The following ZFP69B variants were observed in gnomAD, a reference collection of about 807,000 sequenced individuals.
The protein encoded by ZFP69B is zinc finger protein 69 homolog B.
In ZFP69B, 20 loss-of-function variants were observed where a neutral mutation model predicts 19.7. The ratio of observed to expected loss-of-function variants is 1.02; its 90% CI spans 0.71 to 1.48. The LOEUF (loss-of-function observed/expected upper bound fraction) is 1.48, where lower values mean the gene tolerates loss of function less well. Among genes scored for constraint, ZFP69B ranks in the 40% most tolerant of loss-of-function variants. ZFP69B has a pLI of 0.00. For synonymous variants in ZFP69B, 220 were observed against 222.7 expected (o/e 0.99, Z 0.11); for missense variants, 583 against 632.6 (o/e 0.92, Z 0.84).
At position 40,454,245 on chromosome 1, in the gene ZFP69B, T is replaced by G; in HGVS notation, c.170T>G (p.Leu57Ter). The G allele has an allele frequency of 6.2e-7, 1 of 1,605,064 alleles. No homozygotes were observed. Among genetic ancestry groups the G allele is most frequent in the African/African-American group, 1.3e-5 (1 of 74,878 alleles). ...QDADETQGES[L>*]ESRVTLGSLT... Reference sequence around the variant, plus strand: ...GCTGATGAGACCCAGGGCGAAAGTTTAGAGAGTAGAGTGACCCTTGGATCC... The same window carrying G: ...GCTGATGAGACCCAGGGCGAAAGTTGAGAGAGTAGAGTGACCCTTGGATCC... The change falls in exon 2 of 5, where the codon TTA (leucine) becomes TGA (stop). Residue 57 changes from leucine to a stop codon, truncating the protein, a stop_gained. Coordinates refer to ENST00000361584, the MANE Select transcript of ZFP69B (RefSeq NM_023070.3). LOFTEE classifies it high-confidence loss of function.
chr1:40,458,124 C>T (rs1469612521), intron 4 of ZFP69B, among the ~76,000 whole-genome samples: 1 of 152,170 alleles, frequency 6.6e-6, no homozygotes, highest in Admixed American at 6.5e-5. Flanking sequence ...GAAAAGGAGG[C>T]TGATTAAGAA....
rs76823303 is a variant in ZFP69B, at chr1:40,460,291, C to A, written c.437-2130C>A. On this transcript the variant is annotated intron_variant, in intron 4 of 4. Coordinates refer to ENST00000361584, the MANE Select transcript of ZFP69B (RefSeq NM_023070.3). ...CAAGTGAAATATTTTTCAGTAGGGACAAGTCAAATTATGTTATGTCCATGC... is the reference window on the plus strand; with the variant it reads ...CAAGTGAAATATTTTTCAGTAGGGAAAAGTCAAATTATGTTATGTCCATGC... Among the ~76,000 whole-genome samples, 278 of 152,166 alleles carry A rather than the reference C, an allele frequency of 1.8e-3. 4 individuals carry two copies. The East Asian group carries it at 0.031, about 17-fold the overall frequency.
chr1:40,459,362 T>G (rs1452670376), intron 4 of ZFP69B, among the ~76,000 whole-genome samples: 2 of 152,210 alleles, frequency 1.3e-5, no homozygotes, highest in Non-Finnish European at 2.9e-5. Flanking sequence ...AGCTCTGTAC[T>G]TCAAACCCAG....
chr1:40,459,996 A>G (rs1283008590), intron 4 of ZFP69B, among the ~76,000 whole-genome samples: 3 of 152,202 alleles, frequency 2.0e-5, no homozygotes, highest in African/African-American at 7.2e-5. Flanking sequence ...CATAAAATAT[A>G]TATTCTGTAT....
chr1:40,457,742 T>C (rs1006682665), intron 4 of ZFP69B, among the ~76,000 whole-genome samples: 1 of 152,214 alleles, frequency 6.6e-6, no homozygotes, highest in Non-Finnish European at 1.5e-5. Context: ...TTCTTTCCCA[T>C]GTACATTTAG....
At chr1:40,456,836 TTAGC>T in intron 2 of ZFP69B, 105 bp from the exon 3 acceptor site, 1 of 1,393,834 alleles carries the variant, frequency 7.2e-7, no homozygotes, top group Non-Finnish European at 9.8e-7. Flanking sequence ...AATTAAATGA[TTAGC>T]AAGACAGTAT....
rs1645308324 is a variant in ZFP69B at position 40,463,193 on chromosome 1, T to G, written c.1209T>G (p.Ile403Met). 1 of 1,614,020 alleles carries G rather than the reference T, an allele frequency of 6.2e-7. No homozygotes were observed. Residue 403 changes from isoleucine to methionine, a missense_variant, in exon 5 of 5, where the codon ATT (isoleucine) becomes ATG (methionine). Physicochemically the swap from Ile to Met is conservative, Grantham distance 10 (BLOSUM62 1). Transcript: ENST00000361584. ...ACTGTGGAAAAGCGTTTTTCCAGAT[T>G]AGACACCTTAGGCAACATGAGATTA... ...CKDCGKAFFQ[I>M]RHLRQHEIIH...
intron 2 of ZFP69B, 78 bp downstream of exon 2, chr1:40,454,366 T>A: frequency 9.5e-7 from 1 of 1,054,668 alleles, no homozygotes. Flanking sequence ...TTTCTTTGAC[T>A]CAACTTCCTG....
rs756822676 is a variant in ZFP69B at position 40,457,317 on chromosome 1, A to G, written c.341-27A>G. ...TGGGATGGCTCTGTGACCTCAGCATATACAGTCTTTTCTTCCCCATAAGCA... is the reference window on the plus strand; with the variant it reads ...TGGGATGGCTCTGTGACCTCAGCATGTACAGTCTTTTCTTCCCCATAAGCA... On this transcript the variant is annotated intron_variant, in intron 3 of 4. Transcript: ENST00000361584. 5 of 1,610,258 alleles carry G rather than the reference A, an allele frequency of 3.1e-6. No individual in the cohort carries two copies. In the East Asian group the frequency reaches 1.1e-4, roughly 36 times the overall value.
At chr1:40,458,631 C>G (rs1282415846) in intron 4 of ZFP69B, among the ~76,000 whole-genome samples, 4 of 151,964 alleles carry the variant, frequency 2.6e-5, no homozygotes, top group Admixed American at 2.6e-4. Flanking sequence ...ATTCTCCTAC[C>G]TCAGCCTCCC....
intron 4 of ZFP69B, among the ~76,000 whole-genome samples, chr1:40,460,753 C>T (rs188445237): frequency 5.9e-5 from 9 of 152,040 alleles, no homozygotes; most frequent in African/African-American, 1.4e-4. Context: ...GAGGCCGAGG[C>T]GGGCGGATCA....
At chr1:40,454,093 C>G in intron 1 of ZFP69B, 110 bp from the exon 2 acceptor site, 1 of 677,696 alleles carries the variant, frequency 1.5e-6, no homozygotes. Flanking sequence ...CTAAATGTCC[C>G]TGTTTGTGAA....
intron 4 of ZFP69B, among the ~76,000 whole-genome samples, chr1:40,460,119 G>T (rs779340251): frequency 2.0e-5 from 3 of 152,118 alleles, no homozygotes; most frequent in African/African-American, 7.2e-5. Context: ...AGTATGCAGG[G>T]AAAGGCACCC....
At chr1:40,459,346 C>T (rs1037547754) in intron 4 of ZFP69B, among the ~76,000 whole-genome samples, 2 of 152,194 alleles carry the variant, frequency 1.3e-5, no homozygotes, top group Non-Finnish European at 2.9e-5. Context: ...GACATCTCCA[C>T]ATAGAAGCTC....
In ZFP69B at chr1:40,463,653, C is replaced by T; in HGVS notation, c.*64C>T. On this transcript the variant is annotated 3_prime_UTR_variant, in exon 5 of 5. Transcript: ENST00000361584. ...GATTCTAAATCAGTGGTTCCCTGATCCCTCAAAAATCCATTTGTTTTTGGA... is the reference window on the plus strand; with the variant it reads ...GATTCTAAATCAGTGGTTCCCTGATTCCTCAAAAATCCATTTGTTTTTGGA... 1.0e-5 allele frequency: 14 copies of T among 1,406,194 alleles called. No individual in the cohort carries two copies. The highest frequency in any genetic ancestry group is 1.3e-5 in the Non-Finnish European group (14 of 1,043,832). The allele number at this position is 1,406,194 out of a possible 1,614,324, so 87.1% of individuals were successfully genotyped here.
At position 40,462,686 on chromosome 1, in the gene ZFP69B, G is replaced by T; in HGVS notation, c.702G>T (p.Val234=). 1 of 1,614,100 alleles carries T rather than the reference G, an allele frequency of 6.2e-7. No homozygotes were observed. Among genetic ancestry groups the T allele is most frequent in the Non-Finnish European group, 8.5e-7 (1 of 1,180,018 alleles). Residue 234 remains valine, a synonymous_variant, in exon 5 of 5, where the codon GTG becomes GTT. Coordinates refer to ENST00000361584, the MANE Select transcript of ZFP69B (RefSeq NM_023070.3). ...ESNRFEKRIN[V]KSEVMPGPIG... is the part of the protein sequence containing the mutation. ...ATAGATTTGAGAAAAGAATTAATGTGAAGTCAGAAGTTATGCCAGGACCAA... is the reference window on the plus strand; with the variant it reads ...ATAGATTTGAGAAAAGAATTAATGTTAAGTCAGAAGTTATGCCAGGACCAA...
chr1:40,463,329 T>C lies in ZFP69B; in HGVS notation c.1345T>C (p.Cys449Arg). ...TCATACTGGAGAAAGACCATATAAA[T>C]GTAAGGAATGTGGGAAAGCCTTTAG... ...RTHTGERPYK[C>R]KECGKAFSQR... Residue 449 changes from cysteine to arginine, a missense_variant, in exon 5 of 5, where the codon TGT becomes CGT. By Grantham distance (180) the Cys-to-Arg change is radical. Coordinates refer to ENST00000361584, the MANE Select transcript of ZFP69B (RefSeq NM_023070.3). 1 of 1,614,182 alleles carries C rather than the reference T, an allele frequency of 6.2e-7. No homozygotes were observed. Among genetic ancestry groups the C allele is most frequent in the Non-Finnish European group, 8.5e-7 (1 of 1,180,034 alleles).
chr1:40,458,173 A>G (rs1177533362), intron 4 of ZFP69B, among the ~76,000 whole-genome samples: 1 of 152,236 alleles, frequency 6.6e-6, no homozygotes, highest in East Asian at 1.9e-4. Flanking sequence ...GGTGGACTCA[A>G]TATCTTAATT....
At chr1:40,460,997 A>G (rs886131844) in intron 4 of ZFP69B, among the ~76,000 whole-genome samples, 2 of 149,736 alleles carry the variant, frequency 1.3e-5, no homozygotes, top group Admixed American at 6.7e-5. Flanking sequence ...AAAAAAAAAA[A>G]AAGCCAGGTG....
Sources: gnomAD v4.1 joint callset for allele counts (sites outside exome capture counted in the v4.1 genomes callset) on GRCh38, gnomAD v4.1.1 for gene constraint, MANE v1.5 for transcripts, NCBI Gene and HGNC (gene_info 2026-07-23, HGNC 2026-07-21) for gene names.